The following DAB1 variants were observed in gnomAD, a reference collection of about 807,000 sequenced individuals.
DAB1 encodes DAB adaptor protein 1.
In DAB1, 15 loss-of-function variants were observed where a neutral mutation model predicts 64.6. The ratio of observed to expected loss-of-function variants is 0.23; its 90% CI spans 0.16 to 0.36. DAB1 has a LOEUF of 0.36. Among genes scored for constraint, DAB1 ranks in the 10% least tolerant of loss-of-function variants. DAB1 has a pLI of 1.00. For synonymous variants in DAB1, 235 were observed against 251.9 expected, an observed-to-expected ratio of 0.93 and a Z score of 0.64; for missense variants, 596 against 706.7, an observed-to-expected ratio of 0.84 and a Z score of 1.78.
intron 9 of DAB1, among the ~76,000 whole-genome samples, chr1:57,040,908 A>G (rs1647690426): frequency 6.6e-6 from 1 of 152,148 alleles, no homozygotes; most frequent in South Asian, 2.1e-4. Context: ...TTTGGGGAGG[A>G]GGGCAGGGGA....
intron 2 of DAB1, among the ~76,000 whole-genome samples, chr1:58,506,665 T>C (rs944876673): frequency 2.0e-4 from 30 of 152,184 alleles, no homozygotes; most frequent in Admixed American, 1.8e-3. Flanking sequence ...TTTACACAAA[T>C]TAAAAATTCT....
intron 14 of DAB1, among the ~76,000 whole-genome samples, chr1:57,002,439 G>T (rs1436912308): frequency 6.6e-6 from 1 of 152,184 alleles, no homozygotes; most frequent in East Asian, 1.9e-4. Context: ...GTAATTTTGG[G>T]GATGGTCAAC....
intron 7 of DAB1, among the ~76,000 whole-genome samples, chr1:57,592,800 G>C (rs372835977): frequency 6.6e-6 from 1 of 152,202 alleles, no homozygotes; most frequent in Non-Finnish European, 1.5e-5. Context: ...TTAGTGTCTG[G>C]TGAGGGCTCT....
Position 57,083,198 on chromosome 1 carries a change from C to T in DAB1, c.307-10784G>A, listed in dbSNP as rs572449235. On this transcript the variant is annotated intron_variant, in intron 4 of 14. Transcript: ENST00000371236. Reference sequence around the variant, plus strand: ...CTTTACTATGGAGGTACCTGAGACACAGAAGGGTTAAGTAACTTGCCCCGG... The same window carrying T: ...CTTTACTATGGAGGTACCTGAGACATAGAAGGGTTAAGTAACTTGCCCCGG... 2.7e-4 allele frequency among the ~76,000 whole-genome samples: 41 copies of T among 152,264 alleles called. 1 individual carries two copies. Among genetic ancestry groups the T allele is most frequent in the African/African-American group, 9.9e-4 (41 of 41,542 alleles).
chr1:58,083,458 T>C (rs2100596718), intron 5 of DAB1, among the ~76,000 whole-genome samples: 1 of 152,338 alleles, frequency 6.6e-6, no homozygotes, highest in Non-Finnish European at 1.5e-5. Flanking sequence ...CGGGGCAGCT[T>C]AGTAAGTGCT....
chr1:58,246,961 G>A (rs1251638298), intron 4 of DAB1, among the ~76,000 whole-genome samples: 1 of 152,034 alleles, frequency 6.6e-6, no homozygotes, highest in Non-Finnish European at 1.5e-5. Flanking sequence ...GAGTAAGACG[G>A]CCAGATGGTG....
chr1:58,070,600 C>T (rs1570311239), intron 5 of DAB1, among the ~76,000 whole-genome samples: 1 of 152,126 alleles, frequency 6.6e-6, no homozygotes, highest in African/African-American at 2.4e-5. Context: ...GAACTGAGTT[C>T]ATTTGAGAAG....
intron 1 of DAB1, among the ~76,000 whole-genome samples, chr1:57,841,212 C>A (rs1236630210): frequency 3.3e-5 from 5 of 152,242 alleles, no homozygotes; most frequent in Non-Finnish European, 7.3e-5. Flanking sequence ...CCAAGACACA[C>A]TGATGCAAGA....
chr1:58,545,600 A>G (rs924683521), intron 1 of DAB1, among the ~76,000 whole-genome samples: 1 of 152,188 alleles, frequency 6.6e-6, no homozygotes, highest in East Asian at 1.9e-4. Flanking sequence ...AACAAAATTA[A>G]TGATGTGAGA....
intron 2 of DAB1, among the ~76,000 whole-genome samples, chr1:57,228,213 C>CT (rs1667414504): frequency 6.6e-6 from 1 of 152,130 alleles, no homozygotes; most frequent in Admixed American, 6.6e-5. Context: ...TCTTGGATGC[C>CT]TGCACTTTGG....
intron 6 of DAB1, among the ~76,000 whole-genome samples, chr1:57,725,132 G>C (rs1269466789): frequency 6.6e-6 from 1 of 152,152 alleles, no homozygotes; most frequent in East Asian, 1.9e-4. Context: ...TCATTTACTA[G>C]CCATGGGCTA....
chr1:57,071,667 T>A (rs982060672), intron 5 of DAB1, 26 bp from the exon 6 acceptor site: 6 of 1,609,596 alleles, frequency 3.7e-6, no homozygotes, highest in Admixed American at 3.4e-5. Context: ...GTAAGGCACA[T>A]CATAAGGGAA....
intron 7 of DAB1, among the ~76,000 whole-genome samples, chr1:57,474,122 A>G (rs1224273325): frequency 2.0e-5 from 3 of 152,226 alleles, no homozygotes; most frequent in Non-Finnish European, 2.9e-5. Flanking sequence ...TCTCCTCTTT[A>G]AAATACTGGA....
At chr1:57,767,117 A>C (rs1311503879) in intron 6 of DAB1, among the ~76,000 whole-genome samples, 1 of 152,034 alleles carries the variant, frequency 6.6e-6, no homozygotes, top group Non-Finnish European at 1.5e-5. Context: ...TTCATTAGTT[A>C]GGCATGATTG....
chr1:57,930,869 C>T (rs1294872080), intron 5 of DAB1, among the ~76,000 whole-genome samples: 3 of 152,104 alleles, frequency 2.0e-5, no homozygotes, highest in Non-Finnish European at 4.4e-5. Flanking sequence ...CTTATTGCAT[C>T]AGCTAGGACT....
At chr1:57,342,637 C>T (rs1400009763) in intron 1 of DAB1, among the ~76,000 whole-genome samples, 3 of 152,172 alleles carry the variant, frequency 2.0e-5, no homozygotes, top group Admixed American at 6.5e-5. Flanking sequence ...AATGAAGACG[C>T]GGACCCTGGC....
At chr1:58,372,509 G>A (rs1644274127) in intron 3 of DAB1, among the ~76,000 whole-genome samples, 1 of 152,122 alleles carries the variant, frequency 6.6e-6, no homozygotes, top group South Asian at 2.1e-4. Flanking sequence ...AGTTACTGCT[G>A]GAATGAGTTA....
intron 7 of DAB1, among the ~76,000 whole-genome samples, chr1:57,618,430 A>G (rs1016313736): frequency 5.9e-5 from 8 of 135,958 alleles, no homozygotes; most frequent in African/African-American, 2.1e-4. Flanking sequence ...AAAAAAAAAA[A>G]GCAGCAGCAG....
intron 2 of DAB1, among the ~76,000 whole-genome samples, chr1:57,223,811 C>T (rs554761575): frequency 2.0e-5 from 3 of 152,302 alleles, no homozygotes; most frequent in African/African-American, 7.2e-5. Flanking sequence ...AGGGCCTGAG[C>T]TGGTCCTGCT....
Sources: allele counts gnomAD v4.1 joint callset (sites outside exome capture counted in the v4.1 genomes callset), GRCh38; gene constraint gnomAD v4.1.1; transcripts MANE v1.5; gene names NCBI Gene and HGNC (gene_info 2026-07-23, HGNC 2026-07-21).